QTMAN: variants seen among roughly 807,000 people sequenced by gnomAD.
QTMAN encodes the protein queuosine-tRNA mannosyltransferase, also known as tRNA-queuosine alpha-mannosyltransferase.
chr2:144,219,938 A>G, the QTMAN span, among the ~76,000 whole-genome samples: 1 of 152,240 alleles, frequency 6.6e-6, no homozygotes, highest in African/African-American at 2.4e-5. Flanking sequence ...ATTCAGTAAA[A>G]GTACATTTTC....
chr2:144,182,887 TA>T, the QTMAN span, among the ~76,000 whole-genome samples: 1 of 76,980 alleles, frequency 1.3e-5, no homozygotes, highest in Non-Finnish European at 2.2e-5. Flanking sequence ...ATATATATTT[TA>T]TATATATATA....
chr2:144,318,190 AATAAACACAC>A, the QTMAN span, among the ~76,000 whole-genome samples: 6 of 128,368 alleles, frequency 4.7e-5, no homozygotes, highest in Non-Finnish European at 9.4e-5. Flanking sequence ...GCTCTATTTA[AATAAACACAC>A]ACACACACAC....
chr2:144,296,776 C>A, the QTMAN span, among the ~76,000 whole-genome samples: 2 of 151,978 alleles, frequency 1.3e-5, no homozygotes, highest in Non-Finnish European at 2.9e-5. Context: ...AACTTTCACC[C>A]AGACTACACT....
the QTMAN span, among the ~76,000 whole-genome samples, chr2:144,045,408 C>G: frequency 6.6e-6 from 1 of 152,168 alleles, no homozygotes; most frequent in Non-Finnish European, 1.5e-5. Flanking sequence ...CTGTTTAACA[C>G]CACACATCTA....
the QTMAN span, among the ~76,000 whole-genome samples, chr2:144,055,396 G>A: frequency 2.7e-5 from 4 of 149,734 alleles, no homozygotes; most frequent in East Asian, 2.0e-4. Flanking sequence ...CTTCTAAAAC[G>A]GATTCAAGTG....
At chr2:144,074,905 A>G in the QTMAN span, among the ~76,000 whole-genome samples, 2 of 152,320 alleles carry the variant, frequency 1.3e-5, no homozygotes, top group East Asian at 3.9e-4. Context: ...TGACACAACT[A>G]AATTATCCAA....
the QTMAN span, among the ~76,000 whole-genome samples, chr2:144,206,646 G>A: frequency 6.9e-4 from 105 of 152,172 alleles, no homozygotes; most frequent in Non-Finnish European, 1.1e-3. Flanking sequence ...TATGGCTATC[G>A]CAGAGTAAGG....
At chr2:143,990,923 A>G in the QTMAN span, among the ~76,000 whole-genome samples, 1 of 152,326 alleles carries the variant, frequency 6.6e-6, no homozygotes, top group South Asian at 2.1e-4. Flanking sequence ...AAGTGACCGA[A>G]AAGTTCTGAA....
chr2:144,323,419 TGAA>T, the QTMAN span, among the ~76,000 whole-genome samples: 1 of 152,206 alleles, frequency 6.6e-6, no homozygotes, highest in South Asian at 2.1e-4. Flanking sequence ...TGCACAGCTG[TGAA>T]GAATACCATG....
At chr2:144,123,888 T>C in the QTMAN span, among the ~76,000 whole-genome samples, 8 of 152,114 alleles carry the variant, frequency 5.3e-5, no homozygotes, top group Non-Finnish European at 8.8e-5. Flanking sequence ...AAGACAAAGA[T>C]ATAGGATCTA....
chr2:144,045,897 G>A, the QTMAN span, among the ~76,000 whole-genome samples: 10 of 151,750 alleles, frequency 6.6e-5, no homozygotes, highest in Non-Finnish European at 1.2e-4. Context: ...AAAAATTGAA[G>A]AGAGAGCCAA....
the QTMAN span, among the ~76,000 whole-genome samples, chr2:144,124,895 C>T: frequency 1.2e-3 from 182 of 152,156 alleles, 2 homozygotes; most frequent in African/African-American, 4.2e-3. Flanking sequence ...TACTAAAAAA[C>T]GGTCAATGTT....
chr2:144,262,088 A>G, the QTMAN span, among the ~76,000 whole-genome samples: 1 of 152,178 alleles, frequency 6.6e-6, no homozygotes, highest in Non-Finnish European at 1.5e-5. Context: ...CTCTTCTCCC[A>G]CAGAATGGAA....
the QTMAN span, among the ~76,000 whole-genome samples, chr2:144,076,393 G>C: frequency 2.0e-5 from 3 of 152,120 alleles, no homozygotes; most frequent in Admixed American, 2.0e-4. Flanking sequence ...CAAACTGAAG[G>C]GATTTTTAAA....
chr2:144,164,564 A>T, the QTMAN span, among the ~76,000 whole-genome samples: 11 of 152,132 alleles, frequency 7.2e-5, no homozygotes, highest in African/African-American at 2.7e-4. Context: ...TTATTAGAAA[A>T]TTCTTCTACA....
At chr2:144,059,692 CAT>C in the QTMAN span, among the ~76,000 whole-genome samples, 1 of 152,126 alleles carries the variant, frequency 6.6e-6, no homozygotes, top group Non-Finnish European at 1.5e-5. Flanking sequence ...AATGCAAACT[CAT>C]CACTAAGACA....
the QTMAN span, chr2:144,208,586 T>A: frequency 3.7e-6 from 6 of 1,604,742 alleles, no homozygotes; most frequent in South Asian, 1.1e-5. Context: ...TGAAAATGCA[T>A]CCTGAGCTCT....
chr2:144,285,353 C>G, the QTMAN span, among the ~76,000 whole-genome samples: 3 of 152,130 alleles, frequency 2.0e-5, no homozygotes. Flanking sequence ...CTTTCATCAA[C>G]CTGCCTAATG....
chr2:144,238,318 C>T, the QTMAN span, among the ~76,000 whole-genome samples: 2 of 152,292 alleles, frequency 1.3e-5, no homozygotes, highest in Admixed American at 1.3e-4. Flanking sequence ...AGATATGCTA[C>T]TAAATGATCC....
Sources: gnomAD v4.1 joint callset for allele counts (sites outside exome capture counted in the v4.1 genomes callset) on GRCh38, gnomAD v4.1.1 for gene constraint, MANE v1.5 for transcripts, NCBI Gene and HGNC (gene_info 2026-07-23, HGNC 2026-07-21) for gene names.